Variants in ZFHX3 observed in about 807,000 individuals in gnomAD.
The protein encoded by ZFHX3 is zinc finger homeobox 3.
A neutral mutation model predicts 279.1 loss-of-function variants in ZFHX3; 42 were observed. The observed-to-expected ratio is 0.15, with a 90% CI of 0.12 to 0.19. The LOEUF is 0.19. Ranked by LOEUF, ZFHX3 falls within the 10% of genes least tolerant of loss-of-function variation. The pLI, the probability that ZFHX3 is intolerant of heterozygous loss-of-function variation, is 1.00. For missense variants in ZFHX3, 4,981 were observed against 4,754.0 expected, an observed-to-expected ratio of 1.05 and a Z score of -1.40; for synonymous variants, 2,293 against 1,957.8, an observed-to-expected ratio of 1.17 and a Z score of -4.52.
At chr16:73,482,299 CT>C (rs891708390) in intron 2 of ZFHX3, among the ~76,000 whole-genome samples, 9 of 152,196 alleles carry the variant, frequency 5.9e-5, no homozygotes, top group Non-Finnish European at 1.2e-4. Context: ...CAACATCTAC[CT>C]TGCCCCTTCC....
At chr16:72,972,312 A>G (rs1962142558) in intron 1 of ZFHX3, among the ~76,000 whole-genome samples, 1 of 152,026 alleles carries the variant, frequency 6.6e-6, no homozygotes, top group Non-Finnish European at 1.5e-5. Flanking sequence ...ACCATCCTAT[A>G]AGCTCCTGGA....
At chr16:73,758,180 A>G (rs2053829944) in intron 1 of ZFHX3, among the ~76,000 whole-genome samples, 1 of 152,162 alleles carries the variant, frequency 6.6e-6, no homozygotes, top group Non-Finnish European at 1.5e-5. Flanking sequence ...CCTGGTTGTT[A>G]CAAAGTTCAT....
intron 5 of ZFHX3, among the ~76,000 whole-genome samples, chr16:73,208,020 C>G (rs559457520): frequency 6.6e-6 from 1 of 152,250 alleles, no homozygotes; most frequent in East Asian, 1.9e-4. Context: ...ATCTCCTAGA[C>G]TTTAACATTA....
chr16:73,858,082 C>A (rs1036823122), intron 1 of ZFHX3, among the ~76,000 whole-genome samples: 2 of 147,790 alleles, frequency 1.4e-5, no homozygotes, highest in Non-Finnish European at 3.0e-5. Context: ...GGCAACAGAA[C>A]AAGATTCTGT....
At chr16:73,164,653 T>C (rs1036701701) in intron 5 of ZFHX3, among the ~76,000 whole-genome samples, 7 of 150,790 alleles carry the variant, frequency 4.6e-5, no homozygotes, top group Non-Finnish European at 7.4e-5. Flanking sequence ...TGACCTGAGA[T>C]TGCACCACTG....
At chr16:73,133,317 T>C (rs1354445517) in intron 6 of ZFHX3, among the ~76,000 whole-genome samples, 1 of 151,754 alleles carries the variant, frequency 6.6e-6, no homozygotes, top group Non-Finnish European at 1.5e-5. Flanking sequence ...AAGTCAGGAG[T>C]TCAAGACCAG....
At chr16:73,372,948 G>C (rs999180254) in intron 3 of ZFHX3, among the ~76,000 whole-genome samples, 2 of 152,106 alleles carry the variant, frequency 1.3e-5, no homozygotes, top group African/African-American at 4.8e-5. Context: ...ATAAATAACA[G>C]TCCCAATCCC....
intron 1 of ZFHX3, among the ~76,000 whole-genome samples, chr16:73,748,308 T>A (rs1317745212): frequency 6.6e-6 from 1 of 152,222 alleles, no homozygotes; most frequent in South Asian, 2.1e-4. Flanking sequence ...TCTCTGCTTC[T>A]GTTCTGATTG....
At chr16:73,215,778 A>C (rs149211987) in intron 5 of ZFHX3, among the ~76,000 whole-genome samples, 2,174 of 152,280 alleles carry the variant, frequency 0.014, 33 homozygotes, top group Non-Finnish European at 0.023. Flanking sequence ...GGTTCTTTGC[A>C]TTAAAGGTGG....
intron 2 of ZFHX3, among the ~76,000 whole-genome samples, chr16:73,533,421 G>T (rs2019842173): frequency 1.4e-5 from 2 of 147,434 alleles, no homozygotes; most frequent in Admixed American, 7.0e-5. Context: ...CCAACAGAAG[G>T]CTCTCTCTCC....
chr16:73,086,094 T>C (rs1966009598), intron 8 of ZFHX3, among the ~76,000 whole-genome samples: 1 of 152,062 alleles, frequency 6.6e-6, no homozygotes, highest in African/African-American at 2.4e-5. Flanking sequence ...ACAAGTATAT[T>C]TTTAAAATGC....
chr16:73,171,973 A>C (rs35036246), intron 5 of ZFHX3, among the ~76,000 whole-genome samples: 20,683 of 152,178 alleles, frequency 0.14, 1,588 homozygotes, highest in Middle Eastern at 0.22. Flanking sequence ...CACAATGATT[A>C]TGTATCAATA....
At chr16:72,921,609 G>T (rs1276055735) in intron 3 of ZFHX3, among the ~76,000 whole-genome samples, 1 of 152,224 alleles carries the variant, frequency 6.6e-6, no homozygotes, top group Admixed American at 6.5e-5. Context: ...GAAGCATGAT[G>T]GAGACAGTTG....
intron 7 of ZFHX3, among the ~76,000 whole-genome samples, chr16:73,114,725 A>G (rs1347397181): frequency 6.6e-6 from 1 of 152,122 alleles, no homozygotes; most frequent in Non-Finnish European, 1.5e-5. Flanking sequence ...AAAACTAGCA[A>G]TTTTCTGCAA....
intron 2 of ZFHX3, among the ~76,000 whole-genome samples, chr16:73,523,451 G>A (rs16972102): frequency 0.018 from 2,686 of 152,156 alleles, 83 homozygotes; most frequent in African/African-American, 0.061. Flanking sequence ...TCCTGTGCAG[G>A]GTGGCCCTGT....
intron 7 of ZFHX3, among the ~76,000 whole-genome samples, chr16:73,123,143 T>C (rs1198561921): frequency 6.7e-6 from 1 of 149,910 alleles, no homozygotes. Context: ...GTTATGAGGA[T>C]ACAGGATGTG....
chr16:73,478,992 C>T (rs1597351333), intron 2 of ZFHX3, among the ~76,000 whole-genome samples: 2 of 152,252 alleles, frequency 1.3e-5, no homozygotes, highest in East Asian at 1.9e-4. Flanking sequence ...GCAGATGTTG[C>T]AGTGAGCCGA....
chr16:72,903,652 C>A (rs2039096007), intron 3 of ZFHX3, among the ~76,000 whole-genome samples: 1 of 152,056 alleles, frequency 6.6e-6, no homozygotes. Context: ...ACCAAAAGAA[C>A]ACAGAGGCCC....
At chr16:73,503,982 C>G (rs986713559) in intron 2 of ZFHX3, among the ~76,000 whole-genome samples, 7 of 151,988 alleles carry the variant, frequency 4.6e-5, no homozygotes, top group African/African-American at 1.7e-4. Context: ...CCAAAAACAA[C>G]AACAAAAGGT....
Sources: gnomAD v4.1 joint callset for allele counts (sites outside exome capture counted in the v4.1 genomes callset) on GRCh38, gnomAD v4.1.1 for gene constraint, MANE v1.5 for transcripts, NCBI Gene and HGNC (gene_info 2026-07-23, HGNC 2026-07-21) for gene names.